NBEA: variants seen among roughly 807,000 people sequenced by gnomAD.
NBEA encodes the protein lysosomal-trafficking regulator 2.
A neutral mutation model predicts 343.4 loss-of-function variants in NBEA; 44 were observed. The ratio of observed to expected loss-of-function variants is 0.13; its 90% confidence interval spans 0.10 to 0.16. The LOEUF is 0.16. Ranked by LOEUF, NBEA falls within the 10% of genes least tolerant of loss-of-function variation. The pLI, the probability that NBEA is intolerant of heterozygous loss-of-function variation, is 1.00. For missense variants in NBEA, 2,555 were observed against 3,631.3 expected, an observed-to-expected ratio of 0.70 and a Z score of 7.62; for synonymous variants, 1,175 against 1,238.7, an observed-to-expected ratio of 0.95 and a Z score of 1.08.
chr13:35,198,061 A>G, intron 31 of NBEA, among the ~76,000 whole-genome samples: 1 of 152,188 alleles, frequency 6.6e-6, no homozygotes, highest in East Asian at 1.9e-4. Context: ...GGACTATAAA[A>G]TGTAAGAAAT....
intron 34 of NBEA, among the ~76,000 whole-genome samples, chr13:35,280,865 G>A (rs750213849): frequency 9.9e-5 from 15 of 151,378 alleles, no homozygotes; most frequent in East Asian, 1.9e-4. Flanking sequence ...ATAGATCTCC[G>A]TCATATTATA....
chr13:35,314,568 C>G (rs1594181369), intron 36 of NBEA, among the ~76,000 whole-genome samples: 1 of 151,956 alleles, frequency 6.6e-6, no homozygotes, highest in Non-Finnish European at 1.5e-5. Context: ...TATGGCTGTT[C>G]CACAATGCAT....
At position 35,151,099 on chromosome 13, in the gene NBEA, A is replaced by C. The variant is rs1394608092; in HGVS notation, c.2446-4675A>C. Among the ~76,000 whole-genome samples the C allele has an allele frequency of 2.6e-4, 38 of 144,644 alleles. No homozygotes were observed. The Admixed American group carries it at 2.7e-3, about 10-fold the overall frequency. 94.9% of individuals were successfully genotyped at this position (144,644 alleles called of 152,430 possible). ...TACTGCACTCCAGCCTGGTCGACAAACAAGACACTGGCTCTAAAAAAAAAA... is the reference window on the plus strand; with the variant it reads ...TACTGCACTCCAGCCTGGTCGACAACCAAGACACTGGCTCTAAAAAAAAAA... On this transcript the variant is annotated intron_variant, in intron 18 of 58. Transcript: ENST00000379939.
rs552144883 is a variant in NBEA, at chr13:35,400,906, G to A, written c.6180-31363G>A. On this transcript the variant is annotated intron_variant, in intron 38 of 58. Transcript: ENST00000379939. ...AGGCTCATTCTTTTTCAGAGTGGCT[G>A]TACTCCGAGGTTAAGTAGCCCTGCT... 4.6e-5 allele frequency among the ~76,000 whole-genome samples: 7 copies of A among 151,544 alleles called. No homozygotes were observed. In the South Asian group the frequency reaches 1.5e-3, roughly 32 times the overall value.
intron 17 of NBEA, among the ~76,000 whole-genome samples, chr13:35,129,750 C>A (rs2067314517): frequency 1.3e-5 from 2 of 152,018 alleles, no homozygotes; most frequent in African/African-American, 4.8e-5. Context: ...GACCTGATTT[C>A]TCAGATTTTG....
chr13:35,134,623 C>A (rs1200161777), intron 17 of NBEA, among the ~76,000 whole-genome samples: 1 of 151,830 alleles, frequency 6.6e-6, no homozygotes, highest in Non-Finnish European at 1.5e-5. Flanking sequence ...GAAATAAATA[C>A]CTCCATTACT....
Position 34,964,948 on chromosome 13 carries a change from G to A in NBEA, c.294+21834G>A, listed in dbSNP as rs796929852. 2.6e-5 allele frequency among the ~76,000 whole-genome samples: 4 copies of A among 152,042 alleles called. No homozygotes were observed. The South Asian group carries it at 8.3e-4, about 31-fold the overall frequency. ...CTAGAGTAGAGGACCCATCACAGAA[G>A]TGTTCTAGCAATGACTTATCTAGGA... On this transcript the variant is annotated intron_variant, in intron 1 of 58. Transcript: ENST00000379939.
intron 1 of NBEA, among the ~76,000 whole-genome samples, chr13:34,985,187 G>C (rs1340562936): frequency 6.6e-6 from 1 of 150,896 alleles, no homozygotes; most frequent in Non-Finnish European, 1.5e-5. Context: ...GTCATAAATA[G>C]CTCTTATTAT....
At chr13:35,528,301 T>C (rs558165102) in intron 41 of NBEA, among the ~76,000 whole-genome samples, 2 of 152,364 alleles carry the variant, frequency 1.3e-5, no homozygotes, top group South Asian at 2.1e-4. Flanking sequence ...TCTCTTTCTG[T>C]GTGTTGATGC....
At chr13:34,977,618 A>G (rs1005505875) in intron 1 of NBEA, among the ~76,000 whole-genome samples, 1 of 152,124 alleles carries the variant, frequency 6.6e-6, no homozygotes, top group African/African-American at 2.4e-5. Context: ...TGGATTGTAC[A>G]TAACTATCTT....
At chr13:35,012,865 T>C (rs1274315407) in intron 1 of NBEA, among the ~76,000 whole-genome samples, 1 of 152,188 alleles carries the variant, frequency 6.6e-6, no homozygotes, top group Non-Finnish European at 1.5e-5. Context: ...TTCTACATTA[T>C]TGAAAAAAGA....
chr13:35,020,943 A>G (rs2061817623), intron 1 of NBEA, among the ~76,000 whole-genome samples: 1 of 152,110 alleles, frequency 6.6e-6, no homozygotes, highest in African/African-American at 2.4e-5. Context: ...TTTCATTTGT[A>G]TAGGCTTTGC....
At chr13:35,416,416 C>G (rs1037338485) in intron 38 of NBEA, among the ~76,000 whole-genome samples, 2 of 152,078 alleles carry the variant, frequency 1.3e-5, no homozygotes, top group Non-Finnish European at 2.9e-5. Context: ...TGAGACACGT[C>G]CCATCAATAC....
intron 10 of NBEA, among the ~76,000 whole-genome samples, chr13:35,089,296 A>C (rs1195418355): frequency 6.7e-6 from 1 of 148,574 alleles, no homozygotes; most frequent in Non-Finnish European, 1.5e-5. Context: ...GCAGCCAAAA[A>C]ACACATGAAA....
intron 1 of NBEA, among the ~76,000 whole-genome samples, chr13:34,944,863 T>G (rs981262543): frequency 2.6e-5 from 4 of 152,198 alleles, no homozygotes; most frequent in Admixed American, 6.5e-5. Context: ...GCAGTAGAGC[T>G]TTCACAACCT....
At chr13:35,094,789 A>G (rs2152633218) in intron 10 of NBEA, among the ~76,000 whole-genome samples, 1 of 152,134 alleles carries the variant, frequency 6.6e-6, no homozygotes, top group East Asian at 1.9e-4. Flanking sequence ...TCAGTCCTAA[A>G]TTAGGCTTAA....
chr13:35,285,049 C>T (rs901364965), intron 34 of NBEA, among the ~76,000 whole-genome samples: 3 of 152,078 alleles, frequency 2.0e-5, no homozygotes, highest in Admixed American at 1.3e-4. Flanking sequence ...TGCAAAATTC[C>T]TTTCCACGTC....
At chr13:35,457,093 A>G (rs748193844) in intron 40 of NBEA, among the ~76,000 whole-genome samples, 39 of 151,956 alleles carry the variant, frequency 2.6e-4, no homozygotes, top group Admixed American at 5.9e-4. Flanking sequence ...ACTAATGTCC[A>G]CACTTCTTCA....
chr13:35,394,879 A>G (rs1342659594), intron 38 of NBEA, among the ~76,000 whole-genome samples: 1 of 152,166 alleles, frequency 6.6e-6, no homozygotes, highest in Non-Finnish European at 1.5e-5. Context: ...CTTTTTAAAA[A>G]ATATAAATAT....
Sources: allele counts gnomAD v4.1 joint callset (sites outside exome capture counted in the v4.1 genomes callset), GRCh38; gene constraint gnomAD v4.1.1; transcripts MANE v1.5; gene names NCBI Gene and HGNC (gene_info 2026-07-23, HGNC 2026-07-21).